The following LRATD1 variants were observed in gnomAD, a reference collection of about 807,000 sequenced individuals.
The protein encoded by LRATD1 is protein LRATD1.
LRATD1 carries 8 observed loss-of-function variants against 21.3 expected under a neutral mutation model. That is an observed-to-expected ratio of 0.38 (90% CI 0.22 to 0.68). The LOEUF (loss-of-function observed/expected upper bound fraction) is 0.68, where lower values mean the gene tolerates loss of function less well. Ranked by LOEUF, LRATD1 falls within the 30% of genes least tolerant of loss-of-function variation. The pLI is 0.54. For missense variants in LRATD1, 380 were observed against 404.0 expected (o/e 0.94, Z 0.51); for synonymous variants, 210 against 186.2 (o/e 1.13, Z -1.04).
Position 14,635,017 on chromosome 2 carries a change from A to C in LRATD1, c.*159A>C. 8 of 1,037,844 alleles carry C rather than the reference A, an allele frequency of 7.7e-6. No homozygotes were observed. Among genetic ancestry groups the C allele is most frequent in the Non-Finnish European group, 1.2e-5 (8 of 692,842 alleles). The allele number at this position is 1,037,844 out of a possible 1,614,324, so 64.3% of individuals were successfully genotyped here. A position where few individuals can be genotyped will look rare whatever the true frequency, so the allele number is the denominator to read the frequency against. On this transcript the variant is annotated 3_prime_UTR_variant, in exon 2 of 2. Coordinates refer to ENST00000295092, the MANE Select transcript of LRATD1 (RefSeq NM_145175.4). ...GCCCGGGCTGCACCCCCGCATCCCC[A>C]AGCCAGCGGCAGGAAGTCTCAGGAA...
chr2:14,635,092 C>A lies in LRATD1; in HGVS notation c.*234C>A. The A allele has an allele frequency of 1.4e-6, 1 of 720,306 alleles. No homozygotes were observed. The highest frequency in any genetic ancestry group is 2.5e-6 in the Non-Finnish European group (1 of 394,658). The allele number at this position is 720,306 out of a possible 1,614,324, so 44.6% of individuals were successfully genotyped here. A position where few individuals can be genotyped will look rare whatever the true frequency, so the allele number is the denominator to read the frequency against. On this transcript the variant is annotated 3_prime_UTR_variant, in exon 2 of 2. Coordinates refer to ENST00000295092, the MANE Select transcript of LRATD1 (RefSeq NM_145175.4). ...GCTGCGAGCGCCTGGCTGACAGCCA[C>A]AGCGGTGGTGACGGTGCTGGGAGAC...
chr2:14,650,284 C>T (rs1325862563), downstream of LRATD1: 1 of 152,136 alleles, frequency 6.6e-6, no homozygotes, highest in African/African-American at 2.4e-5. Context: ...ACTGGCTGTT[C>T]CCAGCTCCAG....
chr2:14,637,036 T>G lies in LRATD1; in HGVS notation c.*2178T>G, dbSNP rs1671703820. ...GCACAAACAACAGCAAAAACTTTTG[T>G]AATAACTAACTTACCTTTGCATGTA... On this transcript the variant is annotated 3_prime_UTR_variant, in exon 2 of 2. Transcript: ENST00000295092. 6.0e-6 allele frequency: 1 copy of G among 167,134 alleles called. No homozygotes were observed. Among genetic ancestry groups the G allele is most frequent in the Non-Finnish European group, 1.5e-5 (1 of 68,116 alleles). The allele number at this position is 167,134 out of a possible 1,614,324, so 10.4% of individuals were successfully genotyped here. A position where few individuals can be genotyped will look rare whatever the true frequency, so the allele number is the denominator to read the frequency against.
At chr2:14,643,777 C>T (rs1163961716), downstream of LRATD1, among the ~76,000 whole-genome samples, 3 of 152,200 alleles carry the variant, frequency 2.0e-5, no homozygotes, top group Admixed American at 1.3e-4. Context: ...TTTCTCCAAA[C>T]ATTTAATGAT....
rs903405607 is a variant in LRATD1, at chr2:14,632,758, C to A, written c.-216C>A. ...GGGACTGTCCAGTGGGAGCAGGCGCCCCGGCCAGCGCAGACCTGGAGGCGC... is the reference window on the plus strand; with the variant it reads ...GGGACTGTCCAGTGGGAGCAGGCGCACCGGCCAGCGCAGACCTGGAGGCGC... On this transcript the variant is annotated 5_prime_UTR_variant, in exon 1 of 2. Coordinates refer to ENST00000295092, the MANE Select transcript of LRATD1 (RefSeq NM_145175.4). The A allele has an allele frequency of 5.3e-5, 8 of 152,272 alleles. No homozygotes were observed. The highest frequency in any genetic ancestry group is 1.9e-4 in the African/African-American group (8 of 41,454). 9.4% of individuals were successfully genotyped at this position (152,272 alleles called of 1,614,324 possible). A position where few individuals can be genotyped will look rare whatever the true frequency, so the allele number is the denominator to read the frequency against.
At position 14,637,607 on chromosome 2, in the gene LRATD1, C is replaced by G. The variant is rs541816502; in HGVS notation, c.*2749C>G. The stretch of plus-strand genomic sequence containing the variant: ...CTGTTAAAATTATCATTTATTATCT[C>G]TTTGTCAGTGTTAGTAAGGTAACCC... On this transcript the variant is annotated 3_prime_UTR_variant, in exon 2 of 2. Transcript: ENST00000295092. The G allele has an allele frequency of 9.6e-4, 160 of 167,176 alleles. No individual in the cohort carries two copies. The highest frequency in any genetic ancestry group is 3.5e-3 in the African/African-American group (145 of 41,562). 10.4% of individuals were successfully genotyped at this position (167,176 alleles called of 1,614,324 possible). A position where few individuals can be genotyped will look rare whatever the true frequency, so the allele number is the denominator to read the frequency against.
chr2:14,635,265 C>T lies in LRATD1; in HGVS notation c.*407C>T, dbSNP rs770156862. On this transcript the variant is annotated 3_prime_UTR_variant, in exon 2 of 2. Coordinates refer to ENST00000295092, the MANE Select transcript of LRATD1 (RefSeq NM_145175.4). ...CTTCTCAAAAGGGACCATCACCGCCCCGAGCGTGCGCACACAGACCGGTCG... is the reference window on the plus strand; with the variant it reads ...CTTCTCAAAAGGGACCATCACCGCCTCGAGCGTGCGCACACAGACCGGTCG... 47 of 506,112 alleles carry T rather than the reference C, an allele frequency of 9.3e-5. No individual in the cohort carries two copies. The highest frequency in any genetic ancestry group is 1.8e-4 in the Non-Finnish European group (44 of 250,754). The allele number at this position is 506,112 out of a possible 1,614,324, so 31.4% of individuals were successfully genotyped here. A position where few individuals can be genotyped will look rare whatever the true frequency, so the allele number is the denominator to read the frequency against.
In LRATD1 at chr2:14,635,486, T is replaced by G. The variant is rs1179247732; in HGVS notation, c.*628T>G. On this transcript the variant is annotated 3_prime_UTR_variant, in exon 2 of 2. Transcript: ENST00000295092. Reference sequence around the variant, plus strand: ...TCTCCAGCCCCAGGTCTCCTGACATTGTGTTCCAGGCTGCGGGCTAAGCCA... The same window carrying G: ...TCTCCAGCCCCAGGTCTCCTGACATGGTGTTCCAGGCTGCGGGCTAAGCCA... The G allele has an allele frequency of 4.2e-6, 2 of 471,208 alleles. No homozygotes were observed. The highest frequency in any genetic ancestry group is 4.0e-5 in the African/African-American group (2 of 50,202). 29.2% of individuals were successfully genotyped at this position (471,208 alleles called of 1,614,324 possible). A position where few individuals can be genotyped will look rare whatever the true frequency, so the allele number is the denominator to read the frequency against.
Position 14,636,574 on chromosome 2 carries a change from T to A in LRATD1, c.*1716T>A, listed in dbSNP as rs1671692157. 6.0e-6 allele frequency: 1 copy of A among 167,144 alleles called. No homozygotes were observed. Among genetic ancestry groups the A allele is most frequent in the Admixed American group, 6.5e-5 (1 of 15,288 alleles). 10.4% of individuals were successfully genotyped at this position (167,144 alleles called of 1,614,324 possible). A position where few individuals can be genotyped will look rare whatever the true frequency, so the allele number is the denominator to read the frequency against. On this transcript the variant is annotated 3_prime_UTR_variant, in exon 2 of 2. Transcript: ENST00000295092. The stretch of plus-strand genomic sequence containing the variant: ...AGGATTTGTAAACTTCTCTCCTCCC[T>A]CCAGCTGCGGCCCCAGCCTAACTGA...
downstream of LRATD1, among the ~76,000 whole-genome samples, chr2:14,642,776 C>T (rs1421319828): frequency 6.6e-6 from 1 of 152,064 alleles, no homozygotes; most frequent in Non-Finnish European, 1.5e-5. Flanking sequence ...ATTTGAAATG[C>T]AATTGAGCAC....
Position 14,634,918 on chromosome 2 carries a change from C to A in LRATD1, c.*60C>A. ...GCACCTCGCTCCCTTCCCTTCCCCG[C>A]ACCCGGACTTCGCAGTCAGCGGTTC... On this transcript the variant is annotated 3_prime_UTR_variant, in exon 2 of 2. Coordinates refer to ENST00000295092, the MANE Select transcript of LRATD1 (RefSeq NM_145175.4). The A allele has an allele frequency of 6.5e-7, 1 of 1,533,364 alleles. No individual in the cohort carries two copies. Among genetic ancestry groups the A allele is most frequent in the Non-Finnish European group, 8.8e-7 (1 of 1,136,538 alleles). 95.0% of individuals were successfully genotyped at this position (1,533,364 alleles called of 1,614,324 possible).
rs1671676215 is a variant in LRATD1, at chr2:14,635,742, T to G, written c.*884T>G. On this transcript the variant is annotated 3_prime_UTR_variant, in exon 2 of 2. Coordinates refer to ENST00000295092, the MANE Select transcript of LRATD1 (RefSeq NM_145175.4). ...AAGGGCGCTTATTGTTCTGAACCCTTGATTGCTCCCTCCTCGGGCTGCATT... is the reference window on the plus strand; with the variant it reads ...AAGGGCGCTTATTGTTCTGAACCCTGGATTGCTCCCTCCTCGGGCTGCATT... 1 of 394,988 alleles carries G rather than the reference T, an allele frequency of 2.5e-6. No homozygotes were observed. The highest frequency in any genetic ancestry group is 3.2e-5 in the Admixed American group (1 of 31,624). 24.5% of individuals were successfully genotyped at this position (394,988 alleles called of 1,614,324 possible).
intron 4 of LRATD1, among the ~76,000 whole-genome samples, chr2:14,646,954 GTAAA>G (rs1389820446): frequency 6.6e-6 from 1 of 152,206 alleles, no homozygotes; most frequent in Non-Finnish European, 1.5e-5. Context: ...AACCCACTCA[GTAAA>G]TAGTCTCAGA....
chr2:14,642,666 A>C (rs1223314938), downstream of LRATD1, among the ~76,000 whole-genome samples: 1 of 151,970 alleles, frequency 6.6e-6, no homozygotes, highest in Non-Finnish European at 1.5e-5. Context: ...GGGTGGGGGC[A>C]GAAAATCACC....
At chr2:14,643,640 C>T (rs1671842283), downstream of LRATD1, among the ~76,000 whole-genome samples, 2 of 152,202 alleles carry the variant, frequency 1.3e-5, no homozygotes, top group Admixed American at 1.3e-4. Context: ...CATCCAGAGT[C>T]CTGGTGAGAA....
chr2:14,640,478 A>T (rs1012669398), downstream of LRATD1, among the ~76,000 whole-genome samples: 2 of 152,208 alleles, frequency 1.3e-5, no homozygotes, highest in African/African-American at 2.4e-5. Flanking sequence ...CACAAAATGA[A>T]TGCTTCAAAA....
chr2:14,649,436 C>T, exon 5 of LRATD1: 1 of 450,390 alleles, frequency 2.2e-6, no homozygotes, highest in Non-Finnish European at 4.5e-6. Context: ...GCAACCATAT[C>T]CTCCCTCCTG....
chr2:14,644,698 C>T (rs1671866002), downstream of LRATD1, among the ~76,000 whole-genome samples: 1 of 152,062 alleles, frequency 6.6e-6, no homozygotes, highest in Non-Finnish European at 1.5e-5. Flanking sequence ...GCAAGAGCTT[C>T]TTGGAGTGGG....
Position 14,638,996 on chromosome 2 carries a change from G to A in LRATD1, c.*4138G>A, listed in dbSNP as rs562288007. On this transcript the variant is annotated 3_prime_UTR_variant, in exon 2 of 2. Transcript: ENST00000295092. ...TGTATACATATACATACACACATATGTACATTTACACATATGTAAGTATAC... is the reference window on the plus strand; with the variant it reads ...TGTATACATATACATACACACATATATACATTTACACATATGTAAGTATAC... 6.0e-6 allele frequency: 1 copy of A among 166,386 alleles called. No homozygotes were observed. Among genetic ancestry groups the A allele is most frequent in the East Asian group, 1.9e-4 (1 of 5,168 alleles). The allele number at this position is 166,386 out of a possible 1,614,324, so 10.3% of individuals were successfully genotyped here. A position where few individuals can be genotyped will look rare whatever the true frequency, so the allele number is the denominator to read the frequency against.
Sources: allele counts gnomAD v4.1 joint callset (sites outside exome capture counted in the v4.1 genomes callset), GRCh38; gene constraint gnomAD v4.1.1; transcripts MANE v1.5; gene names NCBI Gene and HGNC (gene_info 2026-07-23, HGNC 2026-07-21).